Variants in SNRK observed in about 807,000 individuals in gnomAD.
SNRK encodes SNF-related serine/threonine-protein kinase.
SNRK carries 3 observed loss-of-function variants against 48.2 expected under a neutral mutation model. The observed-to-expected ratio is 0.06, with a 90% CI of 0.03 to 0.16. The LOEUF (loss-of-function observed/expected upper bound fraction) is 0.16, where lower values mean the gene tolerates loss of function less well. Among genes scored for constraint, SNRK ranks in the 10% least tolerant of loss-of-function variants. SNRK has a pLI of 1.00. For synonymous variants in SNRK, 376 were observed against 366.1 expected, an observed-to-expected ratio of 1.03 and a Z score of -0.31; for missense variants, 627 against 976.0, an observed-to-expected ratio of 0.64 and a Z score of 4.76.
rs547320014 is a variant in SNRK, at chr3:43,327,216, A to G, written c.590-4953A>G. Among the ~76,000 whole-genome samples, 3 of 152,322 alleles carry G rather than the reference A, an allele frequency of 2.0e-5. No individual in the cohort carries two copies. The South Asian group carries it at 6.2e-4, about 32-fold the overall frequency. ...GAATTCAGATGGATAAACATGGGCAATTAGGTTTCTCAGTGTTGTACAAAA... is the reference window on the plus strand; with the variant it reads ...GAATTCAGATGGATAAACATGGGCAGTTAGGTTTCTCAGTGTTGTACAAAA... On this transcript the variant is annotated intron_variant, in intron 3 of 6. Transcript: ENST00000296088.
At chr3:43,335,647 T>C (rs952219645) in intron 4 of SNRK, among the ~76,000 whole-genome samples, 2 of 152,214 alleles carry the variant, frequency 1.3e-5, no homozygotes, top group African/African-American at 4.8e-5. Context: ...CTACTGGATC[T>C]ATCAGTTACT....
At chr3:43,338,063 C>CT (rs922662716) in intron 4 of SNRK, among the ~76,000 whole-genome samples, 15 of 152,134 alleles carry the variant, frequency 9.9e-5, no homozygotes, top group Non-Finnish European at 2.2e-4. Context: ...TTATTCTCTT[C>CT]TTGAACAACA....
At chr3:43,320,472 T>C (rs548728967) in intron 3 of SNRK, among the ~76,000 whole-genome samples, 1 of 152,180 alleles carries the variant, frequency 6.6e-6, no homozygotes, top group Non-Finnish European at 1.5e-5. Flanking sequence ...TGTGACTGAT[T>C]CATCACCACG....
chr3:43,303,764 T>G lies in SNRK; in HGVS notation c.561T>G (p.Leu187=). Residue 187 remains leucine (L), a synonymous_variant, in exon 3 of 7, where the codon CTT becomes CTG. Coordinates refer to ENST00000296088, the MANE Select transcript of SNRK (RefSeq NM_017719.5). The surrounding 1 kb of genome is among the most constrained non-coding windows in gnomAD (Gnocchi z 6.2). ...CATATTCCGCTCCAGAAATTCTGCT[T>G]GGTGATGAGTATGATGCACCTGCAG... ...SLAYSAPEIL[L]GDEYDAPAVD... The G allele has an allele frequency of 6.2e-7, 1 of 1,613,612 alleles. No homozygotes were observed. Among genetic ancestry groups the G allele is most frequent in the Non-Finnish European group, 8.5e-7 (1 of 1,179,856 alleles).
intron 1 of SNRK, among the ~76,000 whole-genome samples, chr3:43,295,643 G>A (rs977098753): frequency 1.3e-5 from 2 of 152,080 alleles, no homozygotes; most frequent in Non-Finnish European, 2.9e-5. Context: ...ACAACTTAGG[G>A]CCTATTGACC....
chr3:43,332,886 C>G (rs2125639738), intron 4 of SNRK: 1 of 152,200 alleles, frequency 6.6e-6, no homozygotes, highest in East Asian at 1.9e-4. Context: ...GTACATAGTA[C>G]TATGATATGT....
At chr3:43,310,951 G>A (rs901614981) in intron 3 of SNRK, among the ~76,000 whole-genome samples, 4 of 152,078 alleles carry the variant, frequency 2.6e-5, no homozygotes, top group Non-Finnish European at 1.5e-5. Flanking sequence ...GGGGATGTTA[G>A]TTGTTTGTTC....
At chr3:43,338,424 T>C (rs1412398458) in intron 4 of SNRK, among the ~76,000 whole-genome samples, 1 of 152,236 alleles carries the variant, frequency 6.6e-6, no homozygotes, top group Non-Finnish European at 1.5e-5. Flanking sequence ...CTGGCATCCA[T>C]TGTTGCTGTT....
intron 1 of SNRK, among the ~76,000 whole-genome samples, chr3:43,295,896 G>A (rs1182145970): frequency 1.3e-5 from 2 of 152,026 alleles, no homozygotes; most frequent in South Asian, 2.1e-4. Context: ...ATGCCACCAC[G>A]CCCAGCTAAT....
chr3:43,348,252 A>C lies in SNRK; in HGVS notation c.1993A>C (p.Ile665Leu). ...CCAGCTTCATGGGAGCACCAAGTAC[A>C]TTATTGATCCACAGAATGGCTTGTC... ...GSQLHGSTKY[I>L]IDPQNGLSFS... The change falls in exon 7 of 7, where the codon ATT (isoleucine) becomes CTT (leucine). Residue 665 changes from isoleucine to leucine, a missense_variant. Transcript: ENST00000296088. The C allele has an allele frequency of 6.2e-7, 1 of 1,614,070 alleles. No homozygotes were observed. The highest frequency in any genetic ancestry group is 8.5e-7 in the Non-Finnish European group (1 of 1,179,974).
chr3:43,335,973 G>A (rs2091184865), intron 4 of SNRK, among the ~76,000 whole-genome samples: 1 of 152,170 alleles, frequency 6.6e-6, no homozygotes, highest in Admixed American at 6.5e-5. Context: ...TTAACAGGCT[G>A]GAGCCGAGTT....
chr3:43,329,039 C>G (rs1284396365), intron 3 of SNRK, among the ~76,000 whole-genome samples: 1 of 152,180 alleles, frequency 6.6e-6, no homozygotes, highest in South Asian at 2.1e-4. Context: ...ACTATTAGTA[C>G]TTCCATTTTA....
Position 43,349,291 on chromosome 3 carries a change from T to C in SNRK, c.*734T>C, listed in dbSNP as rs1220376844. ...ACAAGCAGACAATCTTATTTTGTAA[T>C]GTGATGAAGTGATGATGTCTTAACT... is the stretch of plus-strand genomic sequence containing the variant. On this transcript the variant is annotated 3_prime_UTR_variant, in exon 7 of 7. Coordinates refer to ENST00000296088, the MANE Select transcript of SNRK (RefSeq NM_017719.5). The C allele has an allele frequency of 6.6e-6, 1 of 152,664 alleles. No individual in the cohort carries two copies. The highest frequency in any genetic ancestry group is 1.5e-5 in the Non-Finnish European group (1 of 68,038). The allele number at this position is 152,664 out of a possible 1,614,324, so 9.5% of individuals were successfully genotyped here.
At chr3:43,340,227 C>G in intron 4 of SNRK, 60 bp from the exon 5 acceptor site, 1 of 1,256,678 alleles carries the variant, frequency 8.0e-7, no homozygotes, top group Non-Finnish European at 1.2e-6. Context: ...ATAAAATGAT[C>G]CATCATTACT....
At chr3:43,345,846 A>C (rs898695283) in intron 6 of SNRK, among the ~76,000 whole-genome samples, 2 of 152,250 alleles carry the variant, frequency 1.3e-5, no homozygotes, top group Non-Finnish European at 2.9e-5. Context: ...ATATAGTAGC[A>C]CTAACTTTGT....
rs2091316726 is a variant in SNRK, at chr3:43,350,741, A to T, written c.*2184A>T. 6.6e-6 allele frequency: 1 copy of T among 152,636 alleles called. No individual in the cohort carries two copies. Among genetic ancestry groups the T allele is most frequent in the South Asian group, 2.1e-4 (1 of 4,828 alleles). 9.5% of individuals were successfully genotyped at this position (152,636 alleles called of 1,614,324 possible). A position where few individuals can be genotyped will look rare whatever the true frequency, so the allele number is the denominator to read the frequency against. On this transcript the variant is annotated 3_prime_UTR_variant, in exon 7 of 7. Coordinates refer to ENST00000296088, the MANE Select transcript of SNRK (RefSeq NM_017719.5). ...TTACATTAAGATAATATTGGACCAA[A>T]CTACTTACTTGCTCTAAACAGTTAC...
intron 6 of SNRK, 47 bp downstream of exon 6, chr3:43,343,525 A>G: frequency 6.3e-7 from 1 of 1,587,984 alleles, no homozygotes; most frequent in Middle Eastern, 1.7e-4. Flanking sequence ...ACGTTTTGAA[A>G]TAGCGAACTT....
rs527808679 is a variant in SNRK, at chr3:43,349,428, A to G, written c.*871A>G. On this transcript the variant is annotated 3_prime_UTR_variant, in exon 7 of 7. Coordinates refer to ENST00000296088, the MANE Select transcript of SNRK (RefSeq NM_017719.5). The stretch of plus-strand genomic sequence containing the variant: ...TGTAGATAGAAGAACTATAGGGCCT[A>G]GTACAGAAGGTGCACACAAATGTTG... The G allele has an allele frequency of 6.6e-6, 1 of 152,554 alleles. No homozygotes were observed. The highest frequency in any genetic ancestry group is 1.5e-5 in the Non-Finnish European group (1 of 68,050). The allele number at this position is 152,554 out of a possible 1,614,324, so 9.5% of individuals were successfully genotyped here.
intron 2 of SNRK, 117 bp from the exon 3 acceptor site, chr3:43,302,981 C>G: frequency 2.4e-6 from 1 of 422,306 alleles, no homozygotes; most frequent in Non-Finnish European, 4.2e-6. Flanking sequence ...CATTTTTTAT[C>G]TCAATTTATT....
Sources: allele counts gnomAD v4.1 joint callset (sites outside exome capture counted in the v4.1 genomes callset), GRCh38; gene constraint gnomAD v4.1.1; non-coding constraint Gnocchi (gnomAD v3.1); transcripts MANE v1.5; gene names NCBI Gene and HGNC (gene_info 2026-07-23, HGNC 2026-07-21).